The following DAB1 variants were observed in gnomAD, a reference collection of about 807,000 sequenced individuals.
The protein encoded by DAB1 is DAB adaptor protein 1.
Under a neutral mutation model 64.6 loss-of-function variants are expected in DAB1, and 15 were observed. The ratio of observed to expected loss-of-function variants is 0.23; its 90% CI spans 0.16 to 0.36. DAB1 has a LOEUF of 0.36. Among genes scored for constraint, DAB1 ranks in the 10% least tolerant of loss-of-function variants. DAB1 has a pLI of 1.00. For synonymous variants in DAB1, 235 were observed against 251.9 expected (o/e 0.93, Z 0.64); for missense variants, 596 against 706.7 (o/e 0.84, Z 1.78).
chr1:57,747,728 G>C (rs1338194501), intron 6 of DAB1, among the ~76,000 whole-genome samples: 1 of 139,218 alleles, frequency 7.2e-6, no homozygotes, highest in Non-Finnish European at 1.5e-5. Flanking sequence ...AGAATGGCGT[G>C]AATCTGGGAG....
chr1:57,847,796 CA>C (rs1360460784), intron 1 of DAB1, among the ~76,000 whole-genome samples: 1 of 151,856 alleles, frequency 6.6e-6, no homozygotes, highest in African/African-American at 2.4e-5. Flanking sequence ...AATAAAAAGA[CA>C]AAAATAGAAT....
At chr1:58,118,628 CAT>C (rs928399296) in intron 5 of DAB1, among the ~76,000 whole-genome samples, 3 of 127,230 alleles carry the variant, frequency 2.4e-5, no homozygotes, top group South Asian at 2.5e-4. Context: ...ATATAAAATA[CAT>C]ATATATATAA....
At chr1:58,324,656 T>C (rs4912327) in intron 4 of DAB1, among the ~76,000 whole-genome samples, 20,786 of 152,182 alleles carry the variant, frequency 0.14, 1,606 homozygotes, top group South Asian at 0.28. Flanking sequence ...TTACTGTGCC[T>C]TTCTGTTCCA....
At chr1:57,089,839 G>T (rs1653477449) in intron 4 of DAB1, among the ~76,000 whole-genome samples, 1 of 152,164 alleles carries the variant, frequency 6.6e-6, no homozygotes, top group East Asian at 1.9e-4. Flanking sequence ...TCTTGTCCCA[G>T]AACTGTACTG....
In DAB1 at chr1:57,786,523, T is replaced by C. The variant is rs535021461; in HGVS notation, n.551+97476A>G. ...CAAAATTAGCTTGCCCAAGATCATA[T>C]AGCTAGTAATAAATAATAAAAGCTA... On this transcript the variant is annotated intron_variant and non_coding_transcript_variant, in intron 6 of 20. Coordinates refer to the DAB1 transcript ENST00000485760. Among the ~76,000 whole-genome samples the C allele has an allele frequency of 6.6e-5, 10 of 152,334 alleles. No individual in the cohort carries two copies. The East Asian group carries it at 1.3e-3, about 21-fold the overall frequency.
At chr1:58,293,590 G>A (rs1661899447) in intron 4 of DAB1, among the ~76,000 whole-genome samples, 1 of 152,120 alleles carries the variant, frequency 6.6e-6, no homozygotes. Flanking sequence ...AGGAGAATCT[G>A]GCATGGGCAG....
chr1:57,480,092 C>A (rs1643996253), intron 7 of DAB1, among the ~76,000 whole-genome samples: 1 of 148,414 alleles, frequency 6.7e-6, no homozygotes, highest in Admixed American at 6.8e-5. Context: ...GCGGAGCTTG[C>A]AGTGAGTCGA....
rs1406393063 is a variant in DAB1, at chr1:57,263,032, A to G, written c.67+27932T>C. 2.6e-5 allele frequency among the ~76,000 whole-genome samples: 4 copies of G among 152,194 alleles called. No individual in the cohort carries two copies. The East Asian group carries it at 7.7e-4, about 29-fold the overall frequency. ...ATGGACGTGAATGTCTCCAACTAGC[A>G]TCTGTCTCTTAAAAGCAGTGTGACC... On this transcript the variant is annotated intron_variant, in intron 2 of 14. Transcript: ENST00000371236.
intron 5 of DAB1, among the ~76,000 whole-genome samples, chr1:57,956,896 T>G (rs1285841512): frequency 6.6e-6 from 1 of 152,208 alleles, no homozygotes; most frequent in Non-Finnish European, 1.5e-5. Context: ...AAGAGTTAGC[T>G]TATTCAGAGA....
chr1:57,259,404 G>A (rs1670008978), intron 2 of DAB1, among the ~76,000 whole-genome samples: 1 of 152,162 alleles, frequency 6.6e-6, no homozygotes, highest in Admixed American at 6.5e-5. Context: ...CAGATTGGCT[G>A]GCTGGTCAGG....
chr1:57,229,675 GTT>G (rs1166580608), intron 2 of DAB1, among the ~76,000 whole-genome samples: 1 of 152,138 alleles, frequency 6.6e-6, no homozygotes, highest in African/African-American at 2.4e-5. Flanking sequence ...GATTTTACTG[GTT>G]TGCAAGTGAG....
At chr1:57,060,842 AT>A (rs35361720) in intron 9 of DAB1, among the ~76,000 whole-genome samples, 27,254 of 148,198 alleles carry the variant, frequency 0.18, 3,184 homozygotes, top group Middle Eastern at 0.31. Flanking sequence ...AGGAGCTTGG[AT>A]TTTTTTTTTT....
In DAB1 at chr1:57,612,939, A is replaced by G. The variant is rs1645746400; in HGVS notation, n.625+36653T>C. Among the ~76,000 whole-genome samples the G allele has an allele frequency of 2.6e-5, 4 of 152,298 alleles. No individual in the cohort carries two copies. In the South Asian group the frequency reaches 8.3e-4, roughly 32 times the overall value. On this transcript the variant is annotated intron_variant and non_coding_transcript_variant, in intron 7 of 20. Coordinates refer to the DAB1 transcript ENST00000485760. Reference sequence around the variant, plus strand: ...GTATGTGTACATGGGTGTCTTCTACATGAGGCTAAGAGTGGCTTGAGGGCA... The same window carrying G: ...GTATGTGTACATGGGTGTCTTCTACGTGAGGCTAAGAGTGGCTTGAGGGCA...
intron 4 of DAB1, among the ~76,000 whole-genome samples, chr1:58,279,305 C>T (rs1002916651): frequency 6.6e-6 from 1 of 152,136 alleles, no homozygotes; most frequent in Admixed American, 6.5e-5. Context: ...TGAGAATAAA[C>T]ACTCTAATTA....
In DAB1 at chr1:57,987,023, C is replaced by T. The variant is rs189845882; in HGVS notation, n.388-102861G>A. ...GTAAGGGGTAGTGCTGAAAATGTCA[C>T]ATCAGGTTTTCTGACCCCAGGGCCC... On this transcript the variant is annotated intron_variant and non_coding_transcript_variant, in intron 5 of 20. Transcript: ENST00000485760. Among the ~76,000 whole-genome samples the T allele has an allele frequency of 6.6e-5, 10 of 152,310 alleles. No homozygotes were observed. The East Asian group carries it at 1.7e-3, about 26-fold the overall frequency.
At chr1:57,329,679 A>AC (rs1558178242) in intron 1 of DAB1, among the ~76,000 whole-genome samples, 8 of 136,050 alleles carry the variant, frequency 5.9e-5, no homozygotes, top group African/African-American at 1.6e-4. Context: ...AAAAAAAAAA[A>AC]ACCCACAAAA....
At chr1:57,420,827 T>C (rs1225264485) in intron 1 of DAB1, among the ~76,000 whole-genome samples, 1 of 152,158 alleles carries the variant, frequency 6.6e-6, no homozygotes, top group Non-Finnish European at 1.5e-5. Flanking sequence ...CAACCACGAG[T>C]ATTCTTTGTC....
At chr1:58,505,078 G>T (rs1434449895) in intron 3 of DAB1, among the ~76,000 whole-genome samples, 2 of 151,834 alleles carry the variant, frequency 1.3e-5, no homozygotes, top group African/African-American at 4.8e-5. Context: ...TCAATCTCCC[G>T]AGTAGCTGGG....
intron 2 of DAB1, among the ~76,000 whole-genome samples, chr1:57,250,695 C>T (rs1366057462): frequency 1.3e-5 from 2 of 152,132 alleles, no homozygotes; most frequent in Admixed American, 1.3e-4. Context: ...TAGGCCCACA[C>T]CTAAGATTTG....
Sources: gnomAD v4.1 joint callset for allele counts (sites outside exome capture counted in the v4.1 genomes callset) on GRCh38, gnomAD v4.1.1 for gene constraint, MANE v1.5 for transcripts, NCBI Gene and HGNC (gene_info 2026-07-23, HGNC 2026-07-21) for gene names.